Variants in ROBO1 observed in about 807,000 individuals in gnomAD.
The protein encoded by ROBO1 is roundabout homolog 1.
In ROBO1, 149 loss-of-function variants were observed where a neutral mutation model predicts 195.9. The ratio of observed to expected loss-of-function variants is 0.76; its 90% confidence interval spans 0.67 to 0.87. The LOEUF is 0.87. Ranked by LOEUF, ROBO1 falls within the 40% of genes least tolerant of loss-of-function variation. The pLI, the probability that ROBO1 is intolerant of heterozygous loss-of-function variation, is 0.00. For missense variants in ROBO1, 1,933 were observed against 2,068.3 expected, an observed-to-expected ratio of 0.93 and a Z score of 1.27; for synonymous variants, 816 against 733.2, an observed-to-expected ratio of 1.11 and a Z score of -1.82.
At chr3:78,973,330 T>A (rs1001963062) in intron 3 of ROBO1, among the ~76,000 whole-genome samples, 13 of 151,564 alleles carry the variant, frequency 8.6e-5, no homozygotes, top group Non-Finnish European at 1.5e-4. Context: ...TAGACCAATA[T>A]CATCCATGTC....
intron 1 of ROBO1, among the ~76,000 whole-genome samples, chr3:79,649,590 A>T (rs1945939332): frequency 6.6e-6 from 1 of 152,140 alleles, no homozygotes; most frequent in Non-Finnish European, 1.5e-5. Context: ...TATTTGTCAG[A>T]AATGATGTGA....
chr3:79,376,333 G>T (rs79415288), intron 2 of ROBO1, among the ~76,000 whole-genome samples: 275 of 152,208 alleles, frequency 1.8e-3, no homozygotes, highest in African/African-American at 6.3e-3. Flanking sequence ...TGTCCCTTAA[G>T]ATCTTTCTTT....
chr3:79,153,788 T>A (rs1172199019), intron 2 of ROBO1, among the ~76,000 whole-genome samples: 2 of 149,172 alleles, frequency 1.3e-5, no homozygotes, highest in African/African-American at 4.9e-5. Flanking sequence ...ATAAATAATA[T>A]ATTACTCAGA....
At chr3:79,018,086 C>A (rs752070146) in intron 3 of ROBO1, among the ~76,000 whole-genome samples, 41 of 152,154 alleles carry the variant, frequency 2.7e-4, no homozygotes, top group Admixed American at 6.5e-4. Context: ...TCACTGCCAG[C>A]CGCTGCCTCC....
intron 2 of ROBO1, among the ~76,000 whole-genome samples, chr3:79,237,496 AT>A (rs2082433397): frequency 6.6e-6 from 1 of 151,218 alleles, no homozygotes; most frequent in East Asian, 1.9e-4. Context: ...AAAAAAAATA[AT>A]AATAAAAAAG....
chr3:78,960,801 C>T (rs904968901), intron 3 of ROBO1, among the ~76,000 whole-genome samples: 1 of 150,524 alleles, frequency 6.6e-6, no homozygotes, highest in South Asian at 2.1e-4. Context: ...CACACACACA[C>T]ACACACACAC....
At chr3:79,008,933 G>GTGTGTGTGTGT (rs1341553693) in intron 3 of ROBO1, among the ~76,000 whole-genome samples, 1 of 139,346 alleles carries the variant, frequency 7.2e-6, no homozygotes, top group African/African-American at 2.7e-5. Context: ...GTGTGTGTAT[G>GTGTGTGTGTGT]GTTTTGTTTT....
intron 28 of ROBO1, among the ~76,000 whole-genome samples, chr3:78,609,631 G>A (rs1351776324): frequency 6.6e-6 from 1 of 152,056 alleles, no homozygotes; most frequent in Admixed American, 6.6e-5. Context: ...TATATTCTAT[G>A]ACTACATCAC....
chr3:78,701,650 A>T (rs915055026), intron 8 of ROBO1, among the ~76,000 whole-genome samples: 2 of 152,232 alleles, frequency 1.3e-5, no homozygotes, highest in East Asian at 3.8e-4. Flanking sequence ...CTCTTCACTA[A>T]TGACCTAAAA....
intron 2 of ROBO1, among the ~76,000 whole-genome samples, chr3:79,214,686 T>C (rs1460848010): frequency 6.6e-6 from 1 of 151,284 alleles, no homozygotes; most frequent in African/African-American, 2.4e-5. Flanking sequence ...GGTGCTTTTA[T>C]TTCTGATTAC....
At chr3:78,937,527 A>G (rs1337395980) in intron 4 of ROBO1, among the ~76,000 whole-genome samples, 1 of 152,096 alleles carries the variant, frequency 6.6e-6, no homozygotes, top group African/African-American at 2.4e-5. Context: ...CATATTATAT[A>G]CAGCAGGATC....
chr3:79,337,474 C>T (rs1287279231), intron 2 of ROBO1, among the ~76,000 whole-genome samples: 1 of 152,138 alleles, frequency 6.6e-6, no homozygotes, highest in Non-Finnish European at 1.5e-5. Context: ...TCTCCTGCCA[C>T]CATGTGAAGA....
chr3:78,832,618 C>A lies in ROBO1; in HGVS notation c.500-85718G>T, dbSNP rs528290983. On this transcript the variant is annotated intron_variant, in intron 4 of 30. Coordinates refer to ENST00000464233, the MANE Select transcript of ROBO1 (RefSeq NM_002941.4). ...GACACAAAGACAAATAGGATGTGAT[C>A]TCTGTTTTGCCACACAAAACTGAGT... 7.9e-5 allele frequency among the ~76,000 whole-genome samples: 12 copies of A among 152,232 alleles called. No homozygotes were observed. In the South Asian group the frequency reaches 2.1e-3, roughly 26 times the overall value.
At chr3:78,612,836 A>G (rs994418605) in intron 28 of ROBO1, among the ~76,000 whole-genome samples, 5 of 152,340 alleles carry the variant, frequency 3.3e-5, no homozygotes, top group African/African-American at 1.2e-4. Context: ...ATAATTTTGC[A>G]TAATCACTTT....
intron 3 of ROBO1, among the ~76,000 whole-genome samples, chr3:79,085,009 A>G (rs2079342256): frequency 6.6e-6 from 1 of 152,200 alleles, no homozygotes; most frequent in African/African-American, 2.4e-5. Context: ...AGCAAGCAAT[A>G]TTAGTTACTA....
chr3:79,558,426 T>G (rs1942791069), intron 2 of ROBO1, among the ~76,000 whole-genome samples: 1 of 152,242 alleles, frequency 6.6e-6, no homozygotes, highest in South Asian at 2.1e-4. Flanking sequence ...CAGTGTATAA[T>G]ACTTATACAA....
chr3:78,766,450 T>C (rs981639751), intron 4 of ROBO1, among the ~76,000 whole-genome samples: 1 of 152,210 alleles, frequency 6.6e-6, no homozygotes, highest in African/African-American at 2.4e-5. Context: ...ACCTACTGAT[T>C]TGTGTACATT....
At chr3:78,871,829 A>G (rs1209418170) in intron 4 of ROBO1, among the ~76,000 whole-genome samples, 1 of 151,844 alleles carries the variant, frequency 6.6e-6, no homozygotes, top group South Asian at 2.1e-4. Flanking sequence ...TTGGTCTGAC[A>G]CAGACCTATT....
intron 3 of ROBO1, among the ~76,000 whole-genome samples, chr3:78,954,958 T>TG (rs2107795186): frequency 6.6e-6 from 1 of 151,810 alleles, no homozygotes; most frequent in South Asian, 2.1e-4. Context: ...AACTTTTTTT[T>TG]TTTTTTTTAC....
Sources: gnomAD v4.1 joint callset for allele counts (sites outside exome capture counted in the v4.1 genomes callset) on GRCh38, gnomAD v4.1.1 for gene constraint, MANE v1.5 for transcripts, NCBI Gene and HGNC (gene_info 2026-07-23, HGNC 2026-07-21) for gene names.